HDGFL2: variants seen among roughly 807,000 people sequenced by gnomAD.
HDGFL2 encodes the protein HDGF like 2.
HDGFL2 carries 36 observed loss-of-function variants against 77.1 expected under a neutral mutation model. The observed-to-expected ratio is 0.47, with a 90% CI of 0.36 to 0.62. HDGFL2 has a LOEUF of 0.62. Among genes scored for constraint, HDGFL2 ranks in the 20% least tolerant of loss-of-function variants. The pLI, the probability that HDGFL2 is intolerant of heterozygous loss-of-function variation, is 0.00. For missense variants in HDGFL2, 976 were observed against 973.4 expected (o/e 1.00, Z -0.04); for synonymous variants, 463 against 413.1 (o/e 1.12, Z -1.46).
intron 13 of HDGFL2, 93 bp from the exon 14 acceptor site, chr19:4,499,398 T>C: frequency 2.7e-6 from 3 of 1,100,664 alleles, no homozygotes; most frequent in Non-Finnish European, 3.9e-6. Flanking sequence ...CGGGAGGGGC[T>C]GCGGGAGGGG....
At chr19:4,489,735 A>G (rs1180205301) in intron 4 of HDGFL2, among the ~76,000 whole-genome samples, 1 of 152,048 alleles carries the variant, frequency 6.6e-6, no homozygotes, top group Non-Finnish European at 1.5e-5. Context: ...GTTTTTCAGT[A>G]TGCATTTAAA....
intron 1 of HDGFL2, among the ~76,000 whole-genome samples, chr19:4,473,289 G>A (rs1172365121): frequency 6.6e-6 from 1 of 151,304 alleles, no homozygotes; most frequent in African/African-American, 2.4e-5. Flanking sequence ...GCGCTCTGGG[G>A]GTCTGGGGCT....
At chr19:4,497,100 C>T (rs922350499) in intron 10 of HDGFL2, 1 of 433,256 alleles carries the variant, frequency 2.3e-6, no homozygotes, top group Non-Finnish European at 4.6e-6. Flanking sequence ...GTCTCGATCT[C>T]CTGACCCCGT....
In HDGFL2 at chr19:4,502,118, T is replaced by G; in HGVS notation, c.*108T>G. ...ACTGTGGGGAACGCTGTGCTGTTTGTATTTGTTCCCTTGGGTTTTTTTTTC... is the reference window on the plus strand; with the variant it reads ...ACTGTGGGGAACGCTGTGCTGTTTGGATTTGTTCCCTTGGGTTTTTTTTTC... On this transcript the variant is annotated 3_prime_UTR_variant, in exon 16 of 16. Coordinates refer to ENST00000616600, the MANE Select transcript of HDGFL2 (RefSeq NM_001001520.3). 1.2e-6 allele frequency: 1 copy of G among 824,296 alleles called. No individual in the cohort carries two copies. The highest frequency in any genetic ancestry group is 2.0e-6 in the Non-Finnish European group (1 of 499,336). The allele number at this position is 824,296 out of a possible 1,614,324, so 51.1% of individuals were successfully genotyped here.
intron 12 of HDGFL2, 74 bp from the exon 13 acceptor site, chr19:4,498,740 C>T (rs1185239085): frequency 1.1e-5 from 11 of 964,688 alleles, no homozygotes; most frequent in Middle Eastern, 5.1e-4. Context: ...TGTCTTCCTC[C>T]ACCCATCGGG....
In HDGFL2 at chr19:4,498,266, C is replaced by T. The variant is rs527707593; in HGVS notation, c.1403-40C>T. On this transcript the variant is annotated intron_variant, in intron 11 of 15. Transcript: ENST00000616600. ...CCCTTGAACAGCTGGCCCCCTGTGG[C>T]CCTGCCTGGGCCCACACGGTGCTCT... 1.3e-5 allele frequency: 21 copies of T among 1,564,176 alleles called. No homozygotes were observed. In the South Asian group the frequency reaches 1.9e-4, roughly 14 times the overall value.
intron 4 of HDGFL2, among the ~76,000 whole-genome samples, chr19:4,489,648 C>T (rs988456476): frequency 5.9e-5 from 9 of 151,458 alleles, no homozygotes; most frequent in South Asian, 2.1e-4. Flanking sequence ...ATGATCCGCC[C>T]GCTTCGGCCT....
At chr19:4,501,552 G>C in intron 15 of HDGFL2, 1 of 501,744 alleles carries the variant, frequency 2.0e-6, no homozygotes, top group Admixed American at 3.8e-5. Context: ...TGGCCTCCTG[G>C]GAAGGTGGCT....
chr19:4,472,383 G>A lies in HDGFL2; in HGVS notation c.33G>A (p.Val11=). The A allele has an allele frequency of 6.8e-7, 1 of 1,464,664 alleles. No homozygotes were observed. The highest frequency in any genetic ancestry group is 9.1e-7 in the Non-Finnish European group (1 of 1,100,960). 90.7% of individuals were successfully genotyped at this position (1,464,664 alleles called of 1,614,324 possible). Residue 11 remains valine (V), a synonymous_variant, in exon 1 of 16, where the codon GTG becomes GTA. Coordinates refer to ENST00000616600, the MANE Select transcript of HDGFL2 (RefSeq NM_001001520.3). MPHAFKPGDL[V]FAKMKGYPHW... is the part of the protein sequence containing the mutation. ...ACGCCTTCAAGCCCGGGGACTTGGT[G>A]TTCGCTAAGATGAAGGGCTACCCTC...
At chr19:4,501,644 A>G (rs997867727) in intron 15 of HDGFL2, 3 of 474,974 alleles carry the variant, frequency 6.3e-6, no homozygotes, top group African/African-American at 4.0e-5. Context: ...TGTGCCCATC[A>G]CTGTGGGCTG....
intron 6 of HDGFL2, among the ~76,000 whole-genome samples, chr19:4,493,153 T>A (rs1599717823): frequency 7.0e-6 from 1 of 143,106 alleles, no homozygotes; most frequent in East Asian, 2.0e-4. Flanking sequence ...GTCTGTGTGG[T>A]GTGTGTTGTC....
At chr19:4,493,896 G>A (rs751011291) in intron 7 of HDGFL2, 34 bp downstream of exon 7, 40 of 1,510,600 alleles carry the variant, frequency 2.6e-5, no homozygotes, top group East Asian at 5.0e-5. Context: ...CTCTTGGCCT[G>A]GCCCCTGCCG....
At chr19:4,478,594 G>T (rs1304784746) in intron 3 of HDGFL2, among the ~76,000 whole-genome samples, 1 of 152,052 alleles carries the variant, frequency 6.6e-6, no homozygotes, top group Non-Finnish European at 1.5e-5. Context: ...AAGCCAGTAG[G>T]TGAAACATGG....
rs867528312 is a variant in HDGFL2 at position 4,497,629 on chromosome 19, C to G, written c.1329-329C>G. 5 of 394,220 alleles carry G rather than the reference C, an allele frequency of 1.3e-5. No homozygotes were observed. The East Asian group carries it at 2.7e-4, about 21-fold the overall frequency. The allele number at this position is 394,220 out of a possible 1,614,324, so 24.4% of individuals were successfully genotyped here. ...CAGCAATGGGCCTCTCTCCTGCACGCGTGTCACCCTTGAGGGCCTTTTCCT... is the reference window on the plus strand; with the variant it reads ...CAGCAATGGGCCTCTCTCCTGCACGGGTGTCACCCTTGAGGGCCTTTTCCT... On this transcript the variant is annotated intron_variant, in intron 10 of 15. Coordinates refer to ENST00000616600, the MANE Select transcript of HDGFL2 (RefSeq NM_001001520.3).
intron 13 of HDGFL2, 57 bp downstream of exon 13, chr19:4,498,972 C>G (rs1975782193): frequency 1.6e-6 from 2 of 1,274,398 alleles, no homozygotes; most frequent in Admixed American, 3.9e-5. Flanking sequence ...GAGCAAGTGC[C>G]TGCCCGGGAG....
At chr19:4,498,412 C>A in intron 12 of HDGFL2, 36 bp downstream of exon 12, 1 of 1,507,232 alleles carries the variant, frequency 6.6e-7, no homozygotes, top group Non-Finnish European at 9.2e-7. Context: ...AAGCAGTCCC[C>A]GCTGCCACCT....
At chr19:4,481,178 C>T (rs1462652581) in intron 3 of HDGFL2, among the ~76,000 whole-genome samples, 1 of 140,256 alleles carries the variant, frequency 7.1e-6, no homozygotes, top group East Asian at 2.2e-4. Context: ...TCCCCCACCA[C>T]GCCTGGCTAA....
At chr19:4,480,275 GA>G (rs1309401789) in intron 3 of HDGFL2, among the ~76,000 whole-genome samples, 2 of 152,190 alleles carry the variant, frequency 1.3e-5, no homozygotes, top group Non-Finnish European at 2.9e-5. Context: ...GCTGGGGTCA[GA>G]AACCAGGGCC....
intron 14 of HDGFL2, among the ~76,000 whole-genome samples, chr19:4,500,452 ATTTT>A (rs67297373): frequency 2.3e-5 from 2 of 88,704 alleles, no homozygotes; most frequent in Non-Finnish European, 2.1e-5. Flanking sequence ...TGCCCTGCTA[ATTTT>A]TTTTTTTTTT....
Sources: allele counts gnomAD v4.1 joint callset (sites outside exome capture counted in the v4.1 genomes callset), GRCh38; gene constraint gnomAD v4.1.1; transcripts MANE v1.5; gene names NCBI Gene and HGNC (gene_info 2026-07-23, HGNC 2026-07-21).